The following TMEM132B variants were observed in gnomAD, a reference collection of about 807,000 sequenced individuals.
TMEM132B encodes the protein transmembrane protein 132B.
In TMEM132B, 18 loss-of-function variants were observed where a neutral mutation model predicts 90.8. The observed-to-expected ratio is 0.20, with a 90% confidence interval of 0.14 to 0.29. TMEM132B has a LOEUF of 0.29. Among genes scored for constraint, TMEM132B ranks in the 10% least tolerant of loss-of-function variants. The probability of loss-of-function intolerance (pLI) is 1.00; values close to 1 mark genes in which losing one functional copy is unlikely to be tolerated. For synonymous variants in TMEM132B, 504 were observed against 523.3 expected, an observed-to-expected ratio of 0.96 and a Z score of 0.50; for missense variants, 1,096 against 1,326.8, an observed-to-expected ratio of 0.83 and a Z score of 2.70.
At position 125,349,827 on chromosome 12, in the gene TMEM132B, C is replaced by G. The variant is rs759370505; in HGVS notation, c.443C>G (p.Thr148Ser). ...RPKVQTLFYV[T>S]GMGWDDSDLT... ...AAAGTGCAGACCTTGTTTTATGTCA[C>G]TGGCATGGGCTGGGATGACAGTGAC... Residue 148 changes from threonine (T) to serine (S), a missense_variant, in exon 2 of 9, where the codon ACT becomes AGT. By Grantham distance (58) the Thr-to-Ser change is moderately conservative. Transcript: ENST00000682704. The surrounding 1 kb of genome is among the most constrained non-coding windows in gnomAD (Gnocchi z 4.1). 10 of 1,614,136 alleles carry G rather than the reference C, an allele frequency of 6.2e-6. No individual in the cohort carries two copies. Among genetic ancestry groups the G allele is most frequent in the Non-Finnish European group, 8.5e-6 (10 of 1,180,056 alleles).
chr12:125,419,699 A>T (rs1880118856), intron 3 of TMEM132B, among the ~76,000 whole-genome samples: 1 of 152,146 alleles, frequency 6.6e-6, no homozygotes, highest in Non-Finnish European at 1.5e-5. Flanking sequence ...ACAATCCCCC[A>T]AAGTCTTAAC....
chr12:125,557,653 G>A (rs1352866757), intron 4 of TMEM132B, among the ~76,000 whole-genome samples: 1 of 152,018 alleles, frequency 6.6e-6, no homozygotes, highest in African/African-American at 2.4e-5. Context: ...TTATTCACTG[G>A]GTATTTACTG....
intron 4 of TMEM132B, among the ~76,000 whole-genome samples, chr12:125,562,989 C>T (rs564470001): frequency 5.3e-4 from 81 of 151,624 alleles, no homozygotes; most frequent in Middle Eastern, 3.4e-3. Flanking sequence ...ATAGGGAGGC[C>T]GAAGGAGAGG....
intron 4 of TMEM132B, among the ~76,000 whole-genome samples, chr12:125,521,731 T>G (rs543543708): frequency 1.3e-5 from 2 of 152,280 alleles, no homozygotes; most frequent in South Asian, 4.1e-4. Context: ...ATTCAACTGT[T>G]GCGAAGGATG....
At chr12:125,464,979 GC>G (rs1881527265) in intron 3 of TMEM132B, among the ~76,000 whole-genome samples, 1 of 152,182 alleles carries the variant, frequency 6.6e-6, no homozygotes, top group African/African-American at 2.4e-5. Context: ...ACTCTGCAGT[GC>G]CCTTTGGTCT....
At chr12:125,548,109 C>G (rs766931199) in intron 4 of TMEM132B, among the ~76,000 whole-genome samples, 6 of 152,174 alleles carry the variant, frequency 3.9e-5, no homozygotes, top group Non-Finnish European at 8.8e-5. Flanking sequence ...GGTCTGCCCC[C>G]ACCAAAGGCT....
chr12:125,405,989 A>G (rs571609708), intron 2 of TMEM132B, among the ~76,000 whole-genome samples: 1 of 152,272 alleles, frequency 6.6e-6, no homozygotes, highest in South Asian at 2.1e-4. Flanking sequence ...TTGTCTTCAG[A>G]TGGTTGTGAA....
At chr12:125,291,045 T>G (rs915754224) in intron 1 of TMEM132B, among the ~76,000 whole-genome samples, 2 of 152,198 alleles carry the variant, frequency 1.3e-5, no homozygotes, top group African/African-American at 4.8e-5. Context: ...TACGTTGAAA[T>G]GCTAATCCCC....
chr12:125,526,995 TATCCAATCATTTACCCTTCC>T, intron 4 of TMEM132B, among the ~76,000 whole-genome samples: 1 of 78,382 alleles, frequency 1.3e-5, no homozygotes, highest in East Asian at 4.3e-4. Flanking sequence ...TCCACCCTTC[TATCCAATCATTTACCCTTCC>T]ATCCACCCAT....
At chr12:125,622,561 C>A in intron 5 of TMEM132B, 1 of 985,374 alleles carries the variant, frequency 1.0e-6, no homozygotes, top group Non-Finnish European at 1.2e-6. Flanking sequence ...AAGCCTTCCT[C>A]GGTGACTTGC....
At chr12:125,469,638 G>A (rs551827207) in intron 3 of TMEM132B, among the ~76,000 whole-genome samples, 61 of 152,208 alleles carry the variant, frequency 4.0e-4, no homozygotes, top group South Asian at 2.1e-4. Flanking sequence ...CAGGTCACCC[G>A]GTTTCCAGCC....
At chr12:125,330,633 G>A (rs1347229879) in intron 1 of TMEM132B, among the ~76,000 whole-genome samples, 1 of 152,190 alleles carries the variant, frequency 6.6e-6, no homozygotes, top group Admixed American at 6.5e-5. Context: ...AGAGGGCAGA[G>A]GCCTTTCTGT....
chr12:125,278,693 A>G (rs1002489890), intron 1 of TMEM132B, among the ~76,000 whole-genome samples: 7 of 152,154 alleles, frequency 4.6e-5, no homozygotes, highest in African/African-American at 1.7e-4. Context: ...ATTTTTATCA[A>G]ATGTTCATGT....
intron 5 of TMEM132B, among the ~76,000 whole-genome samples, chr12:125,617,197 C>T (rs775550960): frequency 2.0e-5 from 3 of 152,072 alleles, no homozygotes; most frequent in Non-Finnish European, 4.4e-5. Flanking sequence ...CTTATTTGTT[C>T]GTTTAGCAAC....
intron 3 of TMEM132B, among the ~76,000 whole-genome samples, chr12:125,449,319 G>A (rs1165633037): frequency 6.6e-6 from 1 of 152,092 alleles, no homozygotes; most frequent in Non-Finnish European, 1.5e-5. Context: ...TTTGTCTGGT[G>A]TGAGCTTTGG....
chr12:125,335,359 C>A (rs1252731879), intron 1 of TMEM132B, among the ~76,000 whole-genome samples: 34 of 152,162 alleles, frequency 2.2e-4, no homozygotes, highest in Admixed American at 2.2e-3. Context: ...CTTTGGGGAA[C>A]CACCCCCACC....
At chr12:125,258,978 G>A (rs545045883) in intron 1 of TMEM132B, among the ~76,000 whole-genome samples, 3 of 152,230 alleles carry the variant, frequency 2.0e-5, no homozygotes, top group African/African-American at 4.8e-5. Flanking sequence ...CATACGATAC[G>A]GCATTGAGCA....
Position 125,654,199 on chromosome 12 carries a change from G to C in TMEM132B, c.2741G>C (p.Cys914Ser), listed in dbSNP as rs755740644. ...IGMYALLCVF[C>S]LAILVFLINC... is the part of the protein sequence containing the mutation. ...ATGTATGCCTTGCTCTGCGTCTTCTGTCTGGCCATTCTGGTCTTCTTGATC... is the reference window on the plus strand; with the variant it reads ...ATGTATGCCTTGCTCTGCGTCTTCTCTCTGGCCATTCTGGTCTTCTTGATC... Residue 914 changes from cysteine to serine, a missense_variant, in exon 9 of 9, where the codon TGT becomes TCT. Physicochemically the swap from Cys to Ser is moderately radical, Grantham distance 112. Coordinates refer to ENST00000682704, the MANE Select transcript of TMEM132B (RefSeq NM_001366854.1). This position sits in a 1 kb window ranked among gnomAD's most constrained non-coding sequence, Gnocchi z 5.8. 10 of 1,614,230 alleles carry C rather than the reference G, an allele frequency of 6.2e-6. No homozygotes were observed. The highest frequency in any genetic ancestry group is 2.2e-5 in the East Asian group (1 of 44,866).
At chr12:125,372,997 C>T (rs923056870) in intron 2 of TMEM132B, among the ~76,000 whole-genome samples, 2 of 152,222 alleles carry the variant, frequency 1.3e-5, no homozygotes, top group Admixed American at 6.5e-5. Flanking sequence ...CCCTTTTCCC[C>T]GACCATCCCT....
Sources: gnomAD v4.1 joint callset for allele counts (sites outside exome capture counted in the v4.1 genomes callset) on GRCh38, gnomAD v4.1.1 for gene constraint, Gnocchi (gnomAD v3.1) non-coding constraint, MANE v1.5 for transcripts, NCBI Gene and HGNC (gene_info 2026-07-23, HGNC 2026-07-21) for gene names.